GNAI3: variants seen among roughly 807,000 people sequenced by gnomAD.
GNAI3 encodes guanine nucleotide-binding protein G(i) subunit alpha-3.
Under a neutral mutation model 41.8 loss-of-function variants are expected in GNAI3, and 12 were observed. The observed-to-expected ratio is 0.29, with a 90% CI of 0.18 to 0.47. The LOEUF (loss-of-function observed/expected upper bound fraction) is 0.47. Ranked by LOEUF, GNAI3 falls within the 20% of genes least tolerant of loss-of-function variation. GNAI3 has a pLI of 1.00. For missense variants in GNAI3, 360 were observed against 429.6 expected (o/e 0.84, Z 1.43); for synonymous variants, 132 against 146.5 (o/e 0.90, Z 0.71).
chr1:109,561,963 G>T (rs1164736520), intron 1 of GNAI3, among the ~76,000 whole-genome samples: 4 of 152,204 alleles, frequency 2.6e-5, no homozygotes, highest in Non-Finnish European at 5.9e-5. Context: ...TGAGCAAATA[G>T]ATTTGATTGA....
At chr1:109,550,454 C>T (rs1647952897) in intron 1 of GNAI3, among the ~76,000 whole-genome samples, 1 of 152,166 alleles carries the variant, frequency 6.6e-6, no homozygotes, top group South Asian at 2.1e-4. Flanking sequence ...TTACTGTTAA[C>T]CAGCCTGAGC....
chr1:109,556,478 T>C (rs957319826), intron 1 of GNAI3, among the ~76,000 whole-genome samples: 2 of 152,190 alleles, frequency 1.3e-5, no homozygotes, highest in African/African-American at 2.4e-5. Flanking sequence ...GAAGAGTCTT[T>C]TGGTTCCTTT....
chr1:109,560,465 A>G (rs528302734), intron 1 of GNAI3, among the ~76,000 whole-genome samples: 2 of 152,202 alleles, frequency 1.3e-5, no homozygotes, highest in East Asian at 3.9e-4. Flanking sequence ...CATGCACTCT[A>G]TATATTTTAA....
In GNAI3 at chr1:109,550,890, G is replaced by A. The variant is rs1168041065; in HGVS notation, c.118+2052G>A. On this transcript the variant is annotated intron_variant, in intron 1 of 8. Transcript: ENST00000369851. The stretch of plus-strand genomic sequence containing the variant: ...AAGTAAAGATGTATTCTCATCTTCT[G>A]TGAGTGATTTGATTTACACTGACCA... 3.3e-5 allele frequency among the ~76,000 whole-genome samples: 5 copies of A among 152,188 alleles called. No individual in the cohort carries two copies. The East Asian group carries it at 7.7e-4, about 23-fold the overall frequency.
chr1:109,574,068 T>C (rs1352153013), intron 3 of GNAI3, 31 bp downstream of exon 3: 1 of 1,568,382 alleles, frequency 6.4e-7, no homozygotes, highest in Non-Finnish European at 8.7e-7. Context: ...CTTCACTTGC[T>C]CTTATTCAGC....
In GNAI3 at chr1:109,598,819, G is replaced by A. The variant is rs1444412905; in HGVS notation, c.*6497G>A. The A allele has an allele frequency of 1.9e-6, 1 of 514,872 alleles. No individual in the cohort carries two copies. Among genetic ancestry groups the A allele is most frequent in the Non-Finnish European group, 4.1e-6 (1 of 244,508 alleles). The allele number at this position is 514,872 out of a possible 1,614,324, so 31.9% of individuals were successfully genotyped here. On this transcript the variant is annotated 3_prime_UTR_variant, in exon 9 of 9. Transcript: ENST00000369851. Reference sequence around the variant, plus strand: ...AATGTTTTCATGCTTTTACCTAGCAGGACCACCAGAGGCTCTGTCACACTT... The same window carrying A: ...AATGTTTTCATGCTTTTACCTAGCAAGACCACCAGAGGCTCTGTCACACTT...
At chr1:109,559,208 G>GA (rs1250340747) in intron 1 of GNAI3, among the ~76,000 whole-genome samples, 2 of 151,818 alleles carry the variant, frequency 1.3e-5, no homozygotes, top group East Asian at 3.9e-4. Flanking sequence ...AAAAGAAAAA[G>GA]AAAAAATGTC....
At chr1:109,558,467 G>T (rs528463857) in intron 1 of GNAI3, among the ~76,000 whole-genome samples, 1 of 152,136 alleles carries the variant, frequency 6.6e-6, no homozygotes, top group East Asian at 1.9e-4. Context: ...ATTGAAGTAG[G>T]GTACAGGATT....
chr1:109,592,109 A>G lies in GNAI3; in HGVS notation c.941A>G (p.Lys314Arg), dbSNP rs769944767. 2.5e-6 allele frequency: 4 copies of G among 1,612,616 alleles called. No homozygotes were observed. The South Asian group carries it at 3.3e-5, about 13-fold the overall frequency. Residue 314 changes from lysine (K) to arginine (R), a missense_variant, in exon 8 of 9, where the codon AAA becomes AGA. Coordinates refer to ENST00000369851, the MANE Select transcript of GNAI3 (RefSeq NM_006496.4). ...QCQFEDLNRR[K>R]DTKEIYTHFT... ...CAGTTTGAAGATCTGAACAGAAGAA[A>G]AGATACCAAGGAGATCTATACTCAC...
At chr1:109,587,024 G>C in intron 7 of GNAI3, 142 bp downstream of exon 7, 1 of 609,510 alleles carries the variant, frequency 1.6e-6, no homozygotes, top group South Asian at 2.0e-5. Context: ...TTAAGCCTGT[G>C]ATTAAAAGCC....
intron 3 of GNAI3, among the ~76,000 whole-genome samples, chr1:109,577,663 C>G (rs1648786562): frequency 6.6e-6 from 1 of 151,962 alleles, no homozygotes. Flanking sequence ...GTGGGTTGAG[C>G]CTAAATATTA....
At chr1:109,557,620 C>A (rs1648192671) in intron 1 of GNAI3, among the ~76,000 whole-genome samples, 1 of 152,148 alleles carries the variant, frequency 6.6e-6, no homozygotes, top group South Asian at 2.1e-4. Flanking sequence ...CACCCTCTCC[C>A]CTATTTCTCC....
chr1:109,563,516 A>C (rs942691238), intron 1 of GNAI3, among the ~76,000 whole-genome samples: 2 of 152,208 alleles, frequency 1.3e-5, no homozygotes, highest in Admixed American at 6.5e-5. Flanking sequence ...CCTTTAAATG[A>C]TAACATTTTG....
At chr1:109,571,266 A>G (rs1393404951) in intron 1 of GNAI3, among the ~76,000 whole-genome samples, 2 of 152,222 alleles carry the variant, frequency 1.3e-5, no homozygotes, top group Non-Finnish European at 2.9e-5. Flanking sequence ...AATACCTACT[A>G]GAAATCTAAT....
intron 4 of GNAI3, among the ~76,000 whole-genome samples, chr1:109,582,201 G>A (rs1321792221): frequency 6.6e-6 from 1 of 152,094 alleles, no homozygotes; most frequent in Non-Finnish European, 1.5e-5. Context: ...ATGTTGCCCA[G>A]GCTGGTCTTG....
At chr1:109,590,684 T>G (rs1231003609) in intron 7 of GNAI3, among the ~76,000 whole-genome samples, 1 of 152,018 alleles carries the variant, frequency 6.6e-6, no homozygotes, top group Non-Finnish European at 1.5e-5. Context: ...CAAGTGCTTC[T>G]TGTGCCTCAG....
At chr1:109,574,079 A>G (rs1302737907) in intron 3 of GNAI3, 42 bp downstream of exon 3, 16 of 1,527,232 alleles carry the variant, frequency 1.0e-5, no homozygotes, top group Non-Finnish European at 1.4e-5. Flanking sequence ...CTTATTCAGC[A>G]GATACAGTTA....
intron 1 of GNAI3, among the ~76,000 whole-genome samples, chr1:109,553,324 T>C (rs991616480): frequency 8.1e-5 from 12 of 148,020 alleles, no homozygotes; most frequent in African/African-American, 2.4e-4. Context: ...TAGTTTCCTT[T>C]AGCAGGTTCT....
intron 1 of GNAI3, among the ~76,000 whole-genome samples, chr1:109,569,622 G>C (rs374752751): frequency 1.4e-4 from 22 of 152,168 alleles, no homozygotes; most frequent in East Asian, 1.3e-3. Flanking sequence ...AATAAGAAAG[G>C]GTTATAGAAA....
Sources: gnomAD v4.1 joint callset for allele counts (sites outside exome capture counted in the v4.1 genomes callset) on GRCh38, gnomAD v4.1.1 for gene constraint, MANE v1.5 for transcripts, NCBI Gene and HGNC (gene_info 2026-07-23, HGNC 2026-07-21) for gene names.